The following LPIN1 variants were observed in gnomAD, a reference collection of about 807,000 sequenced individuals.
LPIN1 encodes the protein phosphatidate phosphatase LPIN1.
In LPIN1, 71 loss-of-function variants were observed where a neutral mutation model predicts 107.5. The observed-to-expected ratio is 0.66, with a 90% CI of 0.55 to 0.80. LPIN1 has a LOEUF of 0.80. Ranked by LOEUF, LPIN1 falls within the 30% of genes least tolerant of loss-of-function variation. The pLI is 0.00. For missense variants in LPIN1, 1,043 were observed against 1,160.6 expected, an observed-to-expected ratio of 0.90 and a Z score of 1.47; for synonymous variants, 445 against 452.6, an observed-to-expected ratio of 0.98 and a Z score of 0.21.
chr2:11,765,565 C>T lies in LPIN1; in HGVS notation c.24C>T (p.Ala8=), dbSNP rs752905024. The change falls in exon 2 of 21, where the codon GCC becomes GCT. Residue 8 remains alanine (A), a synonymous_variant. Transcript: ENST00000674199. This position sits in a 1 kb window ranked among gnomAD's most constrained non-coding sequence, Gnocchi z 4.4. Reference sequence around the variant, plus strand: ...CCATGAATTACGTGGGGCAGTTAGCCGGCCAGGTGTTTGTCACCGTGAAGG... The same window carrying T: ...CCATGAATTACGTGGGGCAGTTAGCTGGCCAGGTGTTTGTCACCGTGAAGG... MNYVGQL[A]GQVFVTVKEL... is the part of the protein sequence containing the mutation. 1.1e-5 allele frequency: 17 copies of T among 1,613,810 alleles called. No homozygotes were observed. The highest frequency in any genetic ancestry group is 5.5e-5 in the South Asian group (5 of 91,078).
At chr2:11,718,291 G>A (rs552804441) in intron 2 of LPIN1, among the ~76,000 whole-genome samples, 29 of 152,194 alleles carry the variant, frequency 1.9e-4, no homozygotes, top group African/African-American at 6.0e-4. Flanking sequence ...GCAGTGGAGC[G>A]ATCTCAGCTC....
At chr2:11,704,490 C>T (rs1663032324) in intron 1 of LPIN1, among the ~76,000 whole-genome samples, 1 of 152,154 alleles carries the variant, frequency 6.6e-6, no homozygotes, top group African/African-American at 2.4e-5. Context: ...GAGGTCACTT[C>T]TAATGGGCAG....
chr2:11,767,828 ATTT>A lies in LPIN1; in HGVS notation c.262_264del (p.Phe88del), dbSNP rs1315818704. The A allele has an allele frequency of 1.2e-6, 2 of 1,612,856 alleles. No individual in the cohort carries two copies. The highest frequency in any genetic ancestry group is 2.2e-5 in the South Asian group (2 of 91,046). ...TGAAATTGGGAGATAATGGAGAAGC[ATTT>A]TTTGTTCAAGAAACAGATAATGATC... On this transcript the variant is annotated inframe_deletion, in exon 3 of 21. Coordinates refer to ENST00000674199, the MANE Select transcript of LPIN1 (RefSeq NM_001349206.2).
At chr2:11,712,470 C>A (rs1663477009) in intron 1 of LPIN1, among the ~76,000 whole-genome samples, 1 of 152,202 alleles carries the variant, frequency 6.6e-6, no homozygotes, top group South Asian at 2.1e-4. Context: ...TTCCTGCCCT[C>A]CACTAGCTTA....
chr2:11,719,294 G>A (rs1244680800), intron 2 of LPIN1, among the ~76,000 whole-genome samples: 2 of 152,018 alleles, frequency 1.3e-5, no homozygotes, highest in Non-Finnish European at 1.5e-5. Context: ...TTTTTATTTA[G>A]CATGAACAGG....
chr2:11,755,925 G>A (rs951054391), intron 1 of LPIN1, among the ~76,000 whole-genome samples: 1 of 152,062 alleles, frequency 6.6e-6, no homozygotes, highest in Non-Finnish European at 1.5e-5. Context: ...GTTTCACCGT[G>A]TTAGCCAGGA....
intron 1 of LPIN1, chr2:11,683,032 C>G (rs1160495850): frequency 6.6e-6 from 1 of 152,208 alleles, no homozygotes; most frequent in Non-Finnish European, 1.5e-5. Flanking sequence ...CAGTAATCTT[C>G]CCGACCCCTC....
At chr2:11,691,298 A>G (rs976557191) in intron 1 of LPIN1, among the ~76,000 whole-genome samples, 2 of 152,144 alleles carry the variant, frequency 1.3e-5, no homozygotes, top group Non-Finnish European at 2.9e-5. Flanking sequence ...TGGGCTCTGA[A>G]TGAAGCAGCC....
Position 11,677,687 on chromosome 2 carries a change from AC to A in LPIN1, c.42del (p.Ser15ArgfsTer16). The A allele has an allele frequency of 1.3e-6, 2 of 1,535,670 alleles. No homozygotes were observed. Among genetic ancestry groups the A allele is most frequent in the Non-Finnish European group, 1.7e-6 (2 of 1,146,876 alleles). On this transcript the variant is annotated frameshift_variant, in exon 1 of 22. Coordinates refer to the LPIN1 transcript ENST00000449576. LOFTEE classifies it high-confidence loss of function. ...CGGCATTCGCAGCTCCAGCTGGGAGACCTCGCAGGGCAAGAGCTCCCCAGAC... is the reference window on the plus strand; with the variant it reads ...CGGCATTCGCAGCTCCAGCTGGGAGACTCGCAGGGCAAGAGCTCCCCAGAC...
At chr2:11,708,230 C>T (rs1202095069) in intron 1 of LPIN1, among the ~76,000 whole-genome samples, 2 of 152,198 alleles carry the variant, frequency 1.3e-5, no homozygotes, top group African/African-American at 4.8e-5. Flanking sequence ...TGACTCTCAT[C>T]AATTTCACTT....
At chr2:11,759,133 T>TTTCTTTCTTTC (rs1487717396) in intron 1 of LPIN1, among the ~76,000 whole-genome samples, 7 of 131,640 alleles carry the variant, frequency 5.3e-5, no homozygotes, top group African/African-American at 8.7e-5. Flanking sequence ...GCTTTCTTTC[T>TTTCTTTCTTTC]TTTCTTTCTT....
chr2:11,806,834 G>C (rs1047636851), intron 17 of LPIN1, among the ~76,000 whole-genome samples: 1 of 152,130 alleles, frequency 6.6e-6, no homozygotes, highest in African/African-American at 2.4e-5. Context: ...GAACAGTTTG[G>C]TTCTATCTTG....
chr2:11,679,331 T>C (rs897180477), intron 1 of LPIN1, among the ~76,000 whole-genome samples: 2 of 152,242 alleles, frequency 1.3e-5, no homozygotes, highest in African/African-American at 4.8e-5. Flanking sequence ...TGCACCTCCC[T>C]ACAGATGTGG....
intron 13 of LPIN1, among the ~76,000 whole-genome samples, chr2:11,795,045 A>G (rs1219171526): frequency 6.6e-6 from 1 of 152,214 alleles, no homozygotes; most frequent in Non-Finnish European, 1.5e-5. Context: ...AAGCGTTTCT[A>G]TCAGCAATTA....
intron 16 of LPIN1, 88 bp from the exon 17 acceptor site, chr2:11,804,982 G>A (rs867595692): frequency 2.8e-6 from 2 of 704,562 alleles, no homozygotes; most frequent in East Asian, 2.8e-5. Context: ...TCTTGTTTGT[G>A]TTTTTTTTTT....
Position 11,752,433 on chromosome 2 carries a change from A to ATTTT in LPIN1, c.-10+5775_-10+5778dup, listed in dbSNP as rs34156190. ...TTTTCTTTTGAGCTGTTCCAAGGCCATTTTTTTTTTTTTTTTGAGACGGAG... is the reference window on the plus strand; with the variant it reads ...TTTTCTTTTGAGCTGTTCCAAGGCCATTTTTTTTTTTTTTTTTTTTGAGACGGAG... On this transcript the variant is annotated intron_variant, in intron 1 of 20. Coordinates refer to ENST00000674199, the MANE Select transcript of LPIN1 (RefSeq NM_001349206.2). 2.7e-4 allele frequency among the ~76,000 whole-genome samples: 28 copies of ATTTT among 103,870 alleles called. 5 individuals are homozygous for ATTTT. Among genetic ancestry groups the ATTTT allele is most frequent in the African/African-American group, 1.5e-3 (27 of 17,700 alleles). 68.1% of individuals were successfully genotyped at this position (103,870 alleles called of 152,430 possible). A position where few individuals can be genotyped will look rare whatever the true frequency, so the allele number is the denominator to read the frequency against.
At chr2:11,804,359 C>CAT (rs1207250736) in intron 15 of LPIN1, 64 bp from the exon 16 acceptor site, 10 of 1,579,168 alleles carry the variant, frequency 6.3e-6, no homozygotes, top group Admixed American at 5.0e-5. Flanking sequence ...GAACAGAAGC[C>CAT]AAATGCCCAT....
chr2:11,714,889 C>T (rs1380248467), intron 2 of LPIN1, among the ~76,000 whole-genome samples: 3 of 152,160 alleles, frequency 2.0e-5, no homozygotes, highest in Admixed American at 6.5e-5. Context: ...TCAGCGCGGC[C>T]GCAGGCAGAG....
intron 1 of LPIN1, among the ~76,000 whole-genome samples, chr2:11,688,120 G>A (rs569429796): frequency 7.2e-5 from 11 of 152,306 alleles, no homozygotes; most frequent in Non-Finnish European, 1.5e-4. Flanking sequence ...TTCACTCTCC[G>A]ACGCGGAATT....
Sources: allele counts gnomAD v4.1 joint callset (sites outside exome capture counted in the v4.1 genomes callset), GRCh38; gene constraint gnomAD v4.1.1; non-coding constraint Gnocchi (gnomAD v3.1); transcripts MANE v1.5; gene names NCBI Gene and HGNC (gene_info 2026-07-23, HGNC 2026-07-21).